ESRRG: variants seen among roughly 807,000 people sequenced by gnomAD.
ESRRG encodes estrogen-related receptor gamma.
ESRRG carries 13 observed loss-of-function variants against 44.0 expected under a neutral mutation model. That is an observed-to-expected ratio of 0.30 (90% CI 0.19 to 0.47). The LOEUF (loss-of-function observed/expected upper bound fraction) is 0.47. ESRRG is among the 20% of genes least tolerant of loss of function. The pLI is 1.00. For synonymous variants in ESRRG, 215 were observed against 214.6 expected (o/e 1.00, Z -0.02); for missense variants, 395 against 580.6 (o/e 0.68, Z 3.29).
chr1:216,548,391 A>G (rs1182352205), intron 5 of ESRRG, among the ~76,000 whole-genome samples: 1 of 152,264 alleles, frequency 6.6e-6, no homozygotes, highest in East Asian at 1.9e-4. Context: ...CACAACTTTT[A>G]TAGTATAATT....
intron 2 of ESRRG, among the ~76,000 whole-genome samples, chr1:216,735,995 T>C (rs374384101): frequency 9.8e-6 from 1 of 101,750 alleles, no homozygotes; most frequent in Non-Finnish European, 2.3e-5. Context: ...AAAATATATA[T>C]ATATATATAT....
intron 2 of ESRRG, among the ~76,000 whole-genome samples, chr1:216,838,375 T>C (rs1274607735): frequency 6.6e-6 from 1 of 152,220 alleles, no homozygotes; most frequent in East Asian, 1.9e-4. Context: ...CCACTGACAG[T>C]TGGCATTTAC....
At chr1:216,741,279 A>G (rs149496871) in intron 2 of ESRRG, among the ~76,000 whole-genome samples, 4,937 of 145,528 alleles carry the variant, frequency 0.034, 133 homozygotes, top group Middle Eastern at 0.05. Flanking sequence ...ATATTATATA[A>G]TTTATATTTG....
upstream of ESRRG, chr1:217,090,367 TAGGGA>T (rs1243136368): frequency 6.6e-6 from 1 of 152,008 alleles, no homozygotes; most frequent in Non-Finnish European, 1.5e-5. Context: ...TTCCTACGGC[TAGGGA>T]TCCCAAACCT....
At position 216,650,520 on chromosome 1, in the gene ESRRG, T is replaced by C. The variant is rs2068678390; in HGVS notation, c.589+453A>G. On this transcript the variant is annotated intron_variant, in intron 3 of 6. Coordinates refer to ENST00000408911, the MANE Select transcript of ESRRG (RefSeq NM_001438.4). ...CAAATAGAAAGCAATTTTAATATCA[T>C]ATTTTAAGTTCTTTGTAATAGAAAA... Among the ~76,000 whole-genome samples, 2 of 152,090 alleles carry C rather than the reference T, an allele frequency of 1.3e-5. 1 individual carries two copies. The highest frequency in any genetic ancestry group is 1.3e-4 in the Admixed American group (2 of 15,248).
chr1:216,595,405 A>G (rs896553943), intron 3 of ESRRG, among the ~76,000 whole-genome samples: 1 of 152,226 alleles, frequency 6.6e-6, no homozygotes, highest in African/African-American at 2.4e-5. Flanking sequence ...ATTATGATTG[A>G]ATTTATTTAT....
intron 6 of ESRRG, among the ~76,000 whole-genome samples, chr1:216,516,636 T>TACACACACACACACACAC (rs779496209): frequency 0.083 from 10,792 of 129,912 alleles, 694 homozygotes; most frequent in East Asian, 0.19. Context: ...CACACACACA[T>TACACACACACACACACAC]ACACACACAC....
chr1:216,620,199 T>C (rs2062002875), intron 3 of ESRRG, among the ~76,000 whole-genome samples: 1 of 152,198 alleles, frequency 6.6e-6, no homozygotes, highest in African/African-American at 2.4e-5. Flanking sequence ...GATCAAATTA[T>C]CTAATATCTC....
At chr1:217,067,585 T>G (rs1013893499) in intron 1 of ESRRG, among the ~76,000 whole-genome samples, 4 of 152,214 alleles carry the variant, frequency 2.6e-5, no homozygotes, top group African/African-American at 9.6e-5. Flanking sequence ...AGTAATAGAT[T>G]GAATAAACTA....
intron 1 of ESRRG, among the ~76,000 whole-genome samples, chr1:217,081,221 C>T (rs74730861): frequency 0.021 from 1,448 of 70,294 alleles, no homozygotes; most frequent in Middle Eastern, 0.024. Context: ...TAAAAATATT[C>T]TTTTTTTTTT....
chr1:217,067,531 A>T (rs59298621), intron 1 of ESRRG, among the ~76,000 whole-genome samples: 20,739 of 152,140 alleles, frequency 0.14, 2,100 homozygotes, highest in East Asian at 0.59. Context: ...ATATGACACC[A>T]GTTTGTTCAG....
chr1:216,966,985 C>T (rs2070524985), intron 1 of ESRRG, among the ~76,000 whole-genome samples: 1 of 152,158 alleles, frequency 6.6e-6, no homozygotes, highest in African/African-American at 2.4e-5. Flanking sequence ...GCCTTGTGTA[C>T]ACATCCATTT....
chr1:216,885,515 T>G (rs1260657083), intron 2 of ESRRG, among the ~76,000 whole-genome samples: 1 of 151,962 alleles, frequency 6.6e-6, no homozygotes, highest in Non-Finnish European at 1.5e-5. Flanking sequence ...CCAAGTTAGA[T>G]TTTGCTTGGG....
At chr1:217,067,910 G>A (rs1053096321) in intron 1 of ESRRG, among the ~76,000 whole-genome samples, 2 of 152,030 alleles carry the variant, frequency 1.3e-5, no homozygotes, top group Admixed American at 1.3e-4. Context: ...TTCCCCTAAG[G>A]GTATTAGTCG....
chr1:216,842,572 A>C (rs1432552155), intron 2 of ESRRG, among the ~76,000 whole-genome samples: 2 of 152,162 alleles, frequency 1.3e-5, no homozygotes, highest in Admixed American at 6.5e-5. Context: ...TCCTTAATGT[A>C]AGAGGCAGAT....
At chr1:216,596,361 C>T (rs781530062) in intron 3 of ESRRG, among the ~76,000 whole-genome samples, 6 of 152,202 alleles carry the variant, frequency 3.9e-5, no homozygotes, top group Non-Finnish European at 7.3e-5. Context: ...CACTGCCCAG[C>T]TTCAGAGATG....
intron 2 of ESRRG, among the ~76,000 whole-genome samples, chr1:216,894,715 T>G (rs1006431374): frequency 6.6e-6 from 1 of 152,050 alleles, no homozygotes; most frequent in Non-Finnish European, 1.5e-5. Flanking sequence ...AACCAGCACA[T>G]GTTCACCAGA....
intron 1 of ESRRG, among the ~76,000 whole-genome samples, chr1:217,056,856 G>C (rs998817286): frequency 6.6e-6 from 1 of 151,920 alleles, no homozygotes; most frequent in African/African-American, 2.4e-5. Flanking sequence ...CAGCACCTGG[G>C]TGGGAAGAAG....
intron 2 of ESRRG, among the ~76,000 whole-genome samples, chr1:216,873,129 T>A (rs1419462090): frequency 6.6e-6 from 1 of 151,978 alleles, no homozygotes; most frequent in African/African-American, 2.4e-5. Context: ...TTGGTTTAAT[T>A]CTGGAAGTTT....
Sources: allele counts gnomAD v4.1 joint callset (sites outside exome capture counted in the v4.1 genomes callset), GRCh38; gene constraint gnomAD v4.1.1; transcripts MANE v1.5; gene names NCBI Gene and HGNC (gene_info 2026-07-23, HGNC 2026-07-21).